Variants in MRPL13 observed in about 807,000 individuals in gnomAD.
MRPL13 encodes the protein large ribosomal subunit protein uL13m.
In MRPL13, 33 loss-of-function variants were observed where a neutral mutation model predicts 29.0. The observed-to-expected ratio is 1.14, with a 90% CI of 0.86 to 1.52. The LOEUF (loss-of-function observed/expected upper bound fraction) is 1.52. Ranked by LOEUF, MRPL13 falls within the 40% of genes most tolerant of loss-of-function variation. MRPL13 has a pLI of 0.00. For missense variants in MRPL13, 227 were observed against 216.7 expected, an observed-to-expected ratio of 1.05 and a Z score of -0.30; for synonymous variants, 77 against 68.4, an observed-to-expected ratio of 1.13 and a Z score of -0.62.
chr8:120,431,063 A>G (rs1034934524), intron 3 of MRPL13, among the ~76,000 whole-genome samples: 4 of 152,168 alleles, frequency 2.6e-5, no homozygotes, highest in African/African-American at 9.6e-5. Context: ...AATTATATAA[A>G]GATTTCATGA....
At chr8:120,444,899 C>T in intron 1 of MRPL13, 169 bp downstream of exon 1, 9 of 704,096 alleles carry the variant, frequency 1.3e-5, no homozygotes, top group South Asian at 9.6e-5. Flanking sequence ...AGACGAACGA[C>T]ATTAAGTGCT....
chr8:120,412,120 T>A (rs749280807), intron 6 of MRPL13, among the ~76,000 whole-genome samples: 43 of 152,002 alleles, frequency 2.8e-4, no homozygotes, highest in Non-Finnish European at 5.4e-4. Flanking sequence ...TTTCTAATTT[T>A]AAAAAAAAGA....
chr8:120,424,303 A>T lies in MRPL13; in HGVS notation c.306+1003T>A, dbSNP rs895350868. Among the ~76,000 whole-genome samples, 12 of 152,120 alleles carry T rather than the reference A, an allele frequency of 7.9e-5. No individual in the cohort carries two copies. The South Asian group carries it at 1.2e-3, about 16-fold the overall frequency. The stretch of plus-strand genomic sequence containing the variant: ...TAACACTAAACCTTCAAAATATATA[A>T]GGCAAAAATTGACAGGAAAAAAAAT... On this transcript the variant is annotated intron_variant, in intron 4 of 6. Coordinates refer to ENST00000306185, the MANE Select transcript of MRPL13 (RefSeq NM_014078.6).
chr8:120,416,171 A>G (rs1324018953), intron 5 of MRPL13: 1 of 152,158 alleles, frequency 6.6e-6, no homozygotes, highest in African/African-American at 2.4e-5. Flanking sequence ...TAACCCATGA[A>G]TGCTAACTAA....
chr8:120,404,085 T>A (rs746108263), intron 6 of MRPL13, among the ~76,000 whole-genome samples: 27 of 152,300 alleles, frequency 1.8e-4, no homozygotes, highest in Non-Finnish European at 3.5e-4. Context: ...TATACCCTTT[T>A]CTCCTTTGGT....
intron 2 of MRPL13, among the ~76,000 whole-genome samples, chr8:120,441,040 C>CT (rs1218117590): frequency 2.6e-5 from 4 of 151,602 alleles, no homozygotes; most frequent in East Asian, 1.9e-4. Flanking sequence ...TATATATGTA[C>CT]TTTTTTTATT....
intron 3 of MRPL13, among the ~76,000 whole-genome samples, chr8:120,429,957 CAATTA>C (rs1265245560): frequency 6.6e-6 from 1 of 152,004 alleles, no homozygotes; most frequent in Non-Finnish European, 1.5e-5. Context: ...AGTATTGACA[CAATTA>C]AATAGAAAAA....
chr8:120,397,105 T>C (rs1812533597), intron 6 of MRPL13, among the ~76,000 whole-genome samples: 3 of 152,236 alleles, frequency 2.0e-5, no homozygotes, highest in South Asian at 4.2e-4. Flanking sequence ...CAGTGAGTGA[T>C]TGTGTGACCC....
intron 2 of MRPL13, among the ~76,000 whole-genome samples, chr8:120,433,892 T>C (rs1051826610): frequency 6.6e-6 from 1 of 152,116 alleles, no homozygotes; most frequent in Non-Finnish European, 1.5e-5. Flanking sequence ...ACATTTAATA[T>C]ATATGTACCA....
intron 6 of MRPL13, among the ~76,000 whole-genome samples, chr8:120,409,595 C>T (rs1812718435): frequency 6.6e-6 from 1 of 151,890 alleles, no homozygotes; most frequent in Admixed American, 6.6e-5. Context: ...AAGTATAAAC[C>T]CCACAGTCAC....
intron 3 of MRPL13, 140 bp downstream of exon 3, chr8:120,431,890 A>C: frequency 3.6e-6 from 2 of 551,328 alleles, no homozygotes. Context: ...AAATTGAGTA[A>C]ATTATATACA....
chr8:120,438,042 A>G (rs1395485595), intron 2 of MRPL13, among the ~76,000 whole-genome samples: 2 of 152,176 alleles, frequency 1.3e-5, no homozygotes, highest in Non-Finnish European at 2.9e-5. Context: ...GGACACGAGA[A>G]GTTTTGCTAA....
chr8:120,419,435 T>C (rs76564191), intron 5 of MRPL13, among the ~76,000 whole-genome samples: 2,763 of 152,058 alleles, frequency 0.018, 91 homozygotes, highest in African/African-American at 0.064. Flanking sequence ...AGTTAAATCA[T>C]GGGAAACAAT....
intron 2 of MRPL13, among the ~76,000 whole-genome samples, chr8:120,437,777 C>T (rs1187935343): frequency 6.6e-6 from 1 of 152,106 alleles, no homozygotes; most frequent in African/African-American, 2.4e-5. Flanking sequence ...ATATTGTATA[C>T]ATTATGTTCA....
rs976547793 is a variant in MRPL13, at chr8:120,396,078, T to C, written c.*26A>G. 6.4e-7 allele frequency: 1 copy of C among 1,573,148 alleles called. No homozygotes were observed. Among genetic ancestry groups the C allele is most frequent in the African/African-American group, 1.3e-5 (1 of 74,358 alleles). On this transcript the variant is annotated 3_prime_UTR_variant, in exon 7 of 7. Transcript: ENST00000306185. Reference sequence around the variant, plus strand: ...CAGAAGAAAGTTTCAATCACTTCACTGTTATTTTCTGCAATTCTTATTCTC... The same window carrying C: ...CAGAAGAAAGTTTCAATCACTTCACCGTTATTTTCTGCAATTCTTATTCTC...
intron 5 of MRPL13, among the ~76,000 whole-genome samples, chr8:120,418,563 T>G (rs1296212585): frequency 6.6e-6 from 1 of 152,122 alleles, no homozygotes; most frequent in South Asian, 2.1e-4. Flanking sequence ...CAATTCACTT[T>G]TGGGAACTAG....
chr8:120,436,435 T>C (rs1389108567), intron 2 of MRPL13, among the ~76,000 whole-genome samples: 1 of 152,190 alleles, frequency 6.6e-6, no homozygotes, highest in Non-Finnish European at 1.5e-5. Context: ...CTACTTATAT[T>C]GAACATCTTT....
chr8:120,416,677 C>T (rs974779030), intron 5 of MRPL13, among the ~76,000 whole-genome samples: 13 of 152,194 alleles, frequency 8.5e-5, no homozygotes, highest in Middle Eastern at 3.4e-3. Flanking sequence ...ATATAATGAA[C>T]ATTAATCTAA....
chr8:120,437,189 G>T (rs1813064276), intron 2 of MRPL13, among the ~76,000 whole-genome samples: 1 of 152,216 alleles, frequency 6.6e-6, no homozygotes, highest in Admixed American at 6.5e-5. Context: ...ATTAACATTT[G>T]AAATACATTT....
Sources: allele counts gnomAD v4.1 joint callset (sites outside exome capture counted in the v4.1 genomes callset), GRCh38; gene constraint gnomAD v4.1.1; transcripts MANE v1.5; gene names NCBI Gene and HGNC (gene_info 2026-07-23, HGNC 2026-07-21).